Variants in TAS2R1 observed in about 807,000 individuals in gnomAD.
The protein encoded by TAS2R1 is taste receptor type 2 member 1.
For missense variants in TAS2R1, 370 were observed against 353.4 expected (o/e 1.05, Z -0.38); for synonymous variants, 141 against 134.2 (o/e 1.05, Z -0.35).
At chr5:9,886,358 C>T in the TAS2R1 span, among the ~76,000 whole-genome samples, 1 of 99,470 alleles carries the variant, frequency 1.0e-5, no homozygotes. Flanking sequence ...TTTTTTGAGA[C>T]GAGTCTCACT....
intron 2 of TAS2R1, among the ~76,000 whole-genome samples, chr5:9,639,893 GTA>G (rs747861288): frequency 1.8e-4 from 28 of 152,080 alleles, no homozygotes; most frequent in Non-Finnish European, 3.1e-4. Context: ...GTTTGATTTT[GTA>G]TGAGAGCCCT....
intron 1 of TAS2R1, among the ~76,000 whole-genome samples, chr5:9,693,875 T>C (rs1741304914): frequency 6.6e-6 from 1 of 152,212 alleles, no homozygotes; most frequent in Admixed American, 6.5e-5. Flanking sequence ...TTAAATAATA[T>C]GGCCAGTTGT....
At chr5:9,759,622 T>C in the TAS2R1 span, among the ~76,000 whole-genome samples, 365 of 152,336 alleles carry the variant, frequency 2.4e-3, 2 homozygotes, top group African/African-American at 8.2e-3. Flanking sequence ...AAAATAGTTA[T>C]CGAGTTTTTC....
At chr5:9,665,380 A>T (rs1740611828) in intron 1 of TAS2R1, among the ~76,000 whole-genome samples, 1 of 152,210 alleles carries the variant, frequency 6.6e-6, no homozygotes, top group Admixed American at 6.5e-5. Flanking sequence ...TCTCTTTTCC[A>T]TGTACAGTAA....
chr5:9,698,330 G>T (rs1234585378), intron 1 of TAS2R1, among the ~76,000 whole-genome samples: 1 of 152,082 alleles, frequency 6.6e-6, no homozygotes, highest in Non-Finnish European at 1.5e-5. Context: ...AATGGCTTAG[G>T]TATTTTGTAT....
At chr5:9,755,304 T>G in the TAS2R1 span, among the ~76,000 whole-genome samples, 1 of 151,968 alleles carries the variant, frequency 6.6e-6, no homozygotes, top group Non-Finnish European at 1.5e-5. Flanking sequence ...AAGAAAGAAA[T>G]AGGCCAGGCA....
At chr5:9,690,103 C>T (rs1252245421) in intron 1 of TAS2R1, among the ~76,000 whole-genome samples, 3 of 152,142 alleles carry the variant, frequency 2.0e-5, no homozygotes, top group African/African-American at 4.8e-5. Flanking sequence ...AACCTAAAAA[C>T]GTGACTAGAA....
the TAS2R1 span, among the ~76,000 whole-genome samples, chr5:9,874,094 T>A: frequency 6.6e-6 from 1 of 152,070 alleles, no homozygotes; most frequent in Non-Finnish European, 1.5e-5. Flanking sequence ...ACATCAAATA[T>A]ATCTTTACAA....
the TAS2R1 span, among the ~76,000 whole-genome samples, chr5:9,741,627 T>A: frequency 6.6e-6 from 1 of 152,150 alleles, no homozygotes; most frequent in African/African-American, 2.4e-5. Context: ...TTGATTGGCA[T>A]CCATGGCAGA....
the TAS2R1 span, among the ~76,000 whole-genome samples, chr5:9,735,727 C>T: frequency 3.3e-5 from 5 of 152,160 alleles, no homozygotes; most frequent in South Asian, 2.1e-4. Flanking sequence ...TTACATCCCT[C>T]GACTCATCTG....
the TAS2R1 span, among the ~76,000 whole-genome samples, chr5:9,887,782 C>CAT: frequency 8.7e-4 from 132 of 152,154 alleles, no homozygotes; most frequent in African/African-American, 3.2e-3. Flanking sequence ...TTATAATAAG[C>CAT]ATAACTAGAA....
chr5:9,779,696 T>G, the TAS2R1 span, among the ~76,000 whole-genome samples: 1 of 152,200 alleles, frequency 6.6e-6, no homozygotes, highest in Admixed American at 6.5e-5. Context: ...GATCACTCAC[T>G]GATCACAGAT....
chr5:9,797,235 G>A, the TAS2R1 span, among the ~76,000 whole-genome samples: 1 of 152,194 alleles, frequency 6.6e-6, no homozygotes, highest in Non-Finnish European at 1.5e-5. Context: ...TGTTGTGACT[G>A]GAAGGTTTGC....
intron 2 of TAS2R1, among the ~76,000 whole-genome samples, chr5:9,659,192 G>A (rs1413746092): frequency 2.6e-5 from 4 of 152,082 alleles, no homozygotes; most frequent in African/African-American, 7.2e-5. Context: ...GTGGACAATT[G>A]CACCCTACAC....
At chr5:9,653,115 G>A (rs941723787) in intron 2 of TAS2R1, among the ~76,000 whole-genome samples, 1 of 151,992 alleles carries the variant, frequency 6.6e-6, no homozygotes, top group Non-Finnish European at 1.5e-5. Context: ...CTCTATATAC[G>A]TTTTCCGAGT....
At chr5:9,801,295 T>C in the TAS2R1 span, among the ~76,000 whole-genome samples, 10 of 152,246 alleles carry the variant, frequency 6.6e-5, no homozygotes, top group African/African-American at 2.2e-4. Flanking sequence ...GGCACCTTGA[T>C]GCAAGACCAC....
chr5:9,670,859 T>C (rs927680609), intron 1 of TAS2R1, among the ~76,000 whole-genome samples: 5 of 152,148 alleles, frequency 3.3e-5, no homozygotes, highest in Admixed American at 1.3e-4. Flanking sequence ...TTTAGGTCAA[T>C]AGCTTTGATA....
chr5:9,844,100 C>T, the TAS2R1 span, among the ~76,000 whole-genome samples: 1 of 152,092 alleles, frequency 6.6e-6, no homozygotes, highest in African/African-American at 2.4e-5. Context: ...ATCATCTTTG[C>T]GTATTCTACT....
At chr5:9,733,378 A>G in the TAS2R1 span, among the ~76,000 whole-genome samples, 2 of 152,248 alleles carry the variant, frequency 1.3e-5, no homozygotes, top group Admixed American at 1.3e-4. Flanking sequence ...CGTATTTACT[A>G]TCTGGCCCTT....
Sources: allele counts gnomAD v4.1 joint callset (sites outside exome capture counted in the v4.1 genomes callset), GRCh38; gene constraint gnomAD v4.1.1; transcripts MANE v1.5; gene names NCBI Gene and HGNC (gene_info 2026-07-23, HGNC 2026-07-21).